GRM8: variants seen among roughly 807,000 people sequenced by gnomAD.
GRM8 encodes glutamate metabotropic receptor 8.
GRM8 carries 47 observed loss-of-function variants against 87.2 expected under a neutral mutation model. That is an observed-to-expected ratio of 0.54 (90% confidence interval 0.43 to 0.69). The LOEUF is 0.69. Among genes scored for constraint, GRM8 ranks in the 30% least tolerant of loss-of-function variants. The pLI is 0.00. For synonymous variants in GRM8, 396 were observed against 404.5 expected (o/e 0.98, Z 0.25); for missense variants, 1,019 against 1,139.2 (o/e 0.89, Z 1.52).
intron 3 of GRM8, among the ~76,000 whole-genome samples, chr7:127,013,517 T>TGGGGATGGGGGATG (rs56183037): frequency 1.7e-4 from 8 of 46,868 alleles, no homozygotes; most frequent in South Asian, 7.5e-4. Context: ...GGCTCTCTGG[T>TGGGGATGGGGGATG]GGGGATGGGG....
chr7:127,127,503 T>C (rs1336074637), intron 2 of GRM8, among the ~76,000 whole-genome samples: 1 of 152,036 alleles, frequency 6.6e-6, no homozygotes, highest in African/African-American at 2.4e-5. Context: ...ATCTCAAAAC[T>C]ATTATACTGA....
chr7:126,972,683 G>T (rs769313100), intron 3 of GRM8, among the ~76,000 whole-genome samples: 1 of 152,132 alleles, frequency 6.6e-6, no homozygotes, highest in Admixed American at 6.5e-5. Flanking sequence ...CAAAGATGCC[G>T]TATTTTGTGC....
chr7:126,594,328 A>T (rs1796961074), intron 8 of GRM8, among the ~76,000 whole-genome samples: 2 of 152,110 alleles, frequency 1.3e-5, no homozygotes, highest in African/African-American at 4.8e-5. Flanking sequence ...CAAGATGTAG[A>T]ATCAACCTAA....
intron 3 of GRM8, among the ~76,000 whole-genome samples, chr7:127,053,820 C>T: frequency 7.0e-6 from 1 of 141,956 alleles, no homozygotes; most frequent in Non-Finnish European, 1.5e-5. Context: ...ATATACATTT[C>T]ATCTTGGTTA....
intron 3 of GRM8, among the ~76,000 whole-genome samples, chr7:126,958,953 T>A (rs1398298464): frequency 2.6e-5 from 4 of 152,182 alleles, no homozygotes; most frequent in African/African-American, 9.7e-5. Flanking sequence ...GTTGTAACCA[T>A]CACAAAGGAT....
intron 3 of GRM8, among the ~76,000 whole-genome samples, chr7:126,983,623 C>A (rs928235963): frequency 6.6e-6 from 1 of 152,096 alleles, no homozygotes; most frequent in Non-Finnish European, 1.5e-5. Flanking sequence ...CCCAGACTAT[C>A]AAGATGAAAC....
intron 3 of GRM8, among the ~76,000 whole-genome samples, chr7:126,932,637 T>C (rs1805880234): frequency 6.6e-6 from 1 of 152,174 alleles, no homozygotes; most frequent in Admixed American, 6.6e-5. Context: ...AATATACAAA[T>C]ATGCCTAGAG....
intron 7 of GRM8, among the ~76,000 whole-genome samples, chr7:126,658,959 C>T (rs972394786): frequency 2.6e-5 from 4 of 152,060 alleles, no homozygotes; most frequent in African/African-American, 9.7e-5. Flanking sequence ...CCGCTACAGT[C>T]ATTTATTCAG....
At chr7:127,151,182 C>T (rs961145299) in intron 2 of GRM8, among the ~76,000 whole-genome samples, 1 of 152,014 alleles carries the variant, frequency 6.6e-6, no homozygotes, top group African/African-American at 2.4e-5. Context: ...CCAAAAGTCT[C>T]TCCACCTGGC....
In GRM8 at chr7:126,446,519, C is replaced by T. The variant is rs142650322; in HGVS notation, c.2431-147G>A. 419 of 601,418 alleles carry T rather than the reference C, an allele frequency of 7.0e-4. 5 individuals carry two copies. In the East Asian group the frequency reaches 9.7e-3, roughly 14 times the overall value. 37.3% of individuals were successfully genotyped at this position (601,418 alleles called of 1,614,324 possible). A position where few individuals can be genotyped will look rare whatever the true frequency, so the allele number is the denominator to read the frequency against. ...TATTGAAATTGTCCTTAATTATAGTCAACCATTCCTGTGTCCTAACCTGCA... is the reference window on the plus strand; with the variant it reads ...TATTGAAATTGTCCTTAATTATAGTTAACCATTCCTGTGTCCTAACCTGCA... On this transcript the variant is annotated intron_variant, in intron 9 of 10. Coordinates refer to ENST00000339582, the MANE Select transcript of GRM8 (RefSeq NM_000845.3).
At chr7:126,929,922 C>T (rs1056893039) in intron 3 of GRM8, among the ~76,000 whole-genome samples, 1 of 148,730 alleles carries the variant, frequency 6.7e-6, no homozygotes, top group African/African-American at 2.5e-5. Flanking sequence ...GACAAATTCC[C>T]CTGTTTGGGA....
At chr7:126,564,792 C>T (rs977779385) in intron 8 of GRM8, among the ~76,000 whole-genome samples, 2 of 152,006 alleles carry the variant, frequency 1.3e-5, no homozygotes, top group African/African-American at 4.8e-5. Flanking sequence ...AGCTAAAAGC[C>T]AATATTCCTG....
chr7:126,997,193 G>T (rs978737305), intron 3 of GRM8, among the ~76,000 whole-genome samples: 3 of 150,808 alleles, frequency 2.0e-5, no homozygotes, highest in Non-Finnish European at 4.4e-5. Context: ...GCTCCTGAAT[G>T]ACCAGTGGGT....
Position 127,175,211 on chromosome 7 carries a change from A to T in GRM8, c.510+67484T>A, listed in dbSNP as rs190926300. 1.6e-3 allele frequency among the ~76,000 whole-genome samples: 245 copies of T among 152,328 alleles called. 1 individual carries two copies. Among genetic ancestry groups the T allele is most frequent in the Non-Finnish European group, 2.6e-3 (178 of 68,028 alleles). ...GAATCTAAAGGAGATGCTAGAGATCAAACACTAACAGAACTGAATATGCCT... is the reference window on the plus strand; with the variant it reads ...GAATCTAAAGGAGATGCTAGAGATCTAACACTAACAGAACTGAATATGCCT... On this transcript the variant is annotated intron_variant, in intron 2 of 10. Transcript: ENST00000339582.
intron 3 of GRM8, among the ~76,000 whole-genome samples, chr7:127,049,074 C>T (rs1304010886): frequency 6.6e-6 from 1 of 152,134 alleles, no homozygotes; most frequent in African/African-American, 2.4e-5. Flanking sequence ...CTTTAAAAGA[C>T]ACTTCATGAC....
chr7:126,545,119 T>C (rs921550030), intron 8 of GRM8, among the ~76,000 whole-genome samples: 1 of 152,202 alleles, frequency 6.6e-6, no homozygotes, highest in Non-Finnish European at 1.5e-5. Flanking sequence ...AAGAGTGCCT[T>C]CTCCCCTTAA....
chr7:126,951,698 TCAAA>T (rs1388536332), intron 3 of GRM8, among the ~76,000 whole-genome samples: 5 of 152,070 alleles, frequency 3.3e-5, no homozygotes, highest in Admixed American at 6.6e-5. Context: ...TTCACTAGAA[TCAAA>T]CAAAGAAGTA....
At chr7:127,038,156 CGTT>C (rs1818022197) in intron 3 of GRM8, among the ~76,000 whole-genome samples, 1 of 152,022 alleles carries the variant, frequency 6.6e-6, no homozygotes, top group Non-Finnish European at 1.5e-5. Flanking sequence ...TTAAAGGAGA[CGTT>C]GACAGGAATC....
intron 6 of GRM8, among the ~76,000 whole-genome samples, chr7:126,856,770 A>C (rs1011840427): frequency 6.6e-6 from 1 of 152,250 alleles, no homozygotes; most frequent in Non-Finnish European, 1.5e-5. Flanking sequence ...AAAAGTTAGT[A>C]AGTTACACAT....
Sources: allele counts gnomAD v4.1 joint callset (sites outside exome capture counted in the v4.1 genomes callset), GRCh38; gene constraint gnomAD v4.1.1; transcripts MANE v1.5; gene names NCBI Gene and HGNC (gene_info 2026-07-23, HGNC 2026-07-21).